Variants in KIRREL3 observed in about 807,000 individuals in gnomAD.
KIRREL3 encodes kirre like nephrin family adhesion molecule 3, also known as kin of IRRE-like protein 3.
A neutral mutation model predicts 89.7 loss-of-function variants in KIRREL3; 36 were observed. That is an observed-to-expected ratio of 0.40 (90% CI 0.31 to 0.53). The LOEUF is 0.53. KIRREL3 is among the 20% of genes least tolerant of loss of function. The probability of loss-of-function intolerance (pLI) is 0.49; values close to 1 mark genes in which losing one functional copy is unlikely to be tolerated. For synonymous variants in KIRREL3, 445 were observed against 441.4 expected, an observed-to-expected ratio of 1.01 and a Z score of -0.10; for missense variants, 864 against 1,056.6, an observed-to-expected ratio of 0.82 and a Z score of 2.53.
chr11:126,460,759 C>G (rs1196647256), intron 6 of KIRREL3, among the ~76,000 whole-genome samples: 1 of 152,274 alleles, frequency 6.6e-6, no homozygotes, highest in East Asian at 1.9e-4. Context: ...GTTAGGAGGG[C>G]GAGTTTCCCG....
chr11:126,732,082 T>G (rs1036683777), intron 1 of KIRREL3, among the ~76,000 whole-genome samples: 1 of 152,170 alleles, frequency 6.6e-6, no homozygotes, highest in Admixed American at 6.5e-5. Flanking sequence ...GAGGGGTGTC[T>G]CATTAATCTC....
At chr11:126,711,958 C>T (rs575293897) in intron 1 of KIRREL3, among the ~76,000 whole-genome samples, 109 of 152,320 alleles carry the variant, frequency 7.2e-4, no homozygotes, top group African/African-American at 2.4e-3. Context: ...CCATTGGAAA[C>T]GCCTCCTCTG....
chr11:126,682,390 G>T lies in KIRREL3; in HGVS notation c.56-119478C>A, dbSNP rs936957227. Among the ~76,000 whole-genome samples the T allele has an allele frequency of 6.6e-6, 1 of 152,134 alleles. No individual in the cohort carries two copies. Among genetic ancestry groups the T allele is most frequent in the African/African-American group, 2.4e-5 (1 of 41,420 alleles). On this transcript the variant is annotated intron_variant, in intron 1 of 16. Transcript: ENST00000525144. This position sits in a 1 kb window ranked among gnomAD's most constrained non-coding sequence, Gnocchi z 4.8. ...TGAGGATGATAATATCCTCCTCCCA[G>T]TGTTGCTGGGAGGATGAAGTGAGAT...
chr11:126,925,158 T>C (rs1592377737), intron 1 of KIRREL3, among the ~76,000 whole-genome samples: 1 of 145,840 alleles, frequency 6.9e-6, no homozygotes. Flanking sequence ...GTTTGGCTGG[T>C]GCACCTGCTC....
intron 2 of KIRREL3, among the ~76,000 whole-genome samples, chr11:126,559,823 C>A (rs1200572192): frequency 6.6e-6 from 1 of 151,818 alleles, no homozygotes; most frequent in East Asian, 1.9e-4. Context: ...GTGCGCACCA[C>A]CAACCCTGGC....
intron 4 of KIRREL3, among the ~76,000 whole-genome samples, chr11:126,517,047 G>A (rs1958431366): frequency 2.0e-5 from 3 of 151,922 alleles, no homozygotes; most frequent in Non-Finnish European, 4.4e-5. Context: ...CAGCCTGGGC[G>A]ACAGAGCCAG....
At chr11:126,543,291 G>A (rs375600793) in intron 2 of KIRREL3, among the ~76,000 whole-genome samples, 1 of 152,224 alleles carries the variant, frequency 6.6e-6, no homozygotes, top group African/African-American at 2.4e-5. Context: ...TGGAGAGGGA[G>A]TGTGAGGACT....
At chr11:126,932,960 A>T (rs901593331) in intron 1 of KIRREL3, among the ~76,000 whole-genome samples, 1 of 152,190 alleles carries the variant, frequency 6.6e-6, no homozygotes, top group African/African-American at 2.4e-5. Context: ...GCTGGAGAGA[A>T]GGAGACATGG....
At position 126,439,443 on chromosome 11, in the gene KIRREL3, C is replaced by A. The variant is rs555729551; in HGVS notation, c.1353+1006G>T. Among the ~76,000 whole-genome samples the A allele has an allele frequency of 4.7e-5, 7 of 150,254 alleles. No individual in the cohort carries two copies. In the East Asian group the frequency reaches 1.3e-3, roughly 27 times the overall value. On this transcript the variant is annotated intron_variant, in intron 11 of 16. Transcript: ENST00000525144. ...CTGGTCTCAAACTCCTGGGCTCAGT[C>A]GATCTTCCCACCTCAGCCTTCCAAA...
rs1424954834 is a variant in KIRREL3, at chr11:126,795,530, T to C, written c.55+204925A>G. Among the ~76,000 whole-genome samples the C allele has an allele frequency of 6.6e-6, 1 of 151,982 alleles. No homozygotes were observed. Among genetic ancestry groups the C allele is most frequent in the Non-Finnish European group, 1.5e-5 (1 of 67,994 alleles). On this transcript the variant is annotated intron_variant, in intron 1 of 16. Coordinates refer to ENST00000525144, the MANE Select transcript of KIRREL3 (RefSeq NM_032531.4). The surrounding 1 kb of genome is among the most constrained non-coding windows in gnomAD (Gnocchi z 4.1). ...GACTACAGGCGTGTGCCACCACACCTGGCTAATTTTTTTAAAATATATTTT... is the reference window on the plus strand; with the variant it reads ...GACTACAGGCGTGTGCCACCACACCCGGCTAATTTTTTTAAAATATATTTT...
intron 1 of KIRREL3, among the ~76,000 whole-genome samples, chr11:126,784,317 G>T (rs922234295): frequency 6.6e-6 from 1 of 152,220 alleles, no homozygotes; most frequent in African/African-American, 2.4e-5. Context: ...AACTGGGTGT[G>T]GGGTATATGG....
chr11:126,741,512 C>T (rs1948981774), intron 1 of KIRREL3, among the ~76,000 whole-genome samples: 1 of 152,106 alleles, frequency 6.6e-6, no homozygotes, highest in African/African-American at 2.4e-5. Context: ...TTTCATCTAA[C>T]CAGAGTTCAA....
chr11:126,671,345 G>C (rs1945938996), intron 1 of KIRREL3, among the ~76,000 whole-genome samples: 1 of 151,192 alleles, frequency 6.6e-6, no homozygotes, highest in Non-Finnish European at 1.5e-5. Context: ...TGAGATTACG[G>C]GCATGAGCCA....
In KIRREL3 at chr11:126,565,338, G is replaced by T. The variant is rs893839799; in HGVS notation, c.56-2426C>A. Among the ~76,000 whole-genome samples, 2 of 152,176 alleles carry T rather than the reference G, an allele frequency of 1.3e-5. No individual in the cohort carries two copies. Among genetic ancestry groups the T allele is most frequent in the Admixed American group, 1.3e-4 (2 of 15,272 alleles). ...AGAGGCTGTGTGGACAAGTGGTTATGATATAATAACTAAGAGTCTCACTGA... is the reference window on the plus strand; with the variant it reads ...AGAGGCTGTGTGGACAAGTGGTTATTATATAATAACTAAGAGTCTCACTGA... On this transcript the variant is annotated intron_variant, in intron 1 of 16. Coordinates refer to ENST00000525144, the MANE Select transcript of KIRREL3 (RefSeq NM_032531.4). This position sits in a 1 kb window ranked among gnomAD's most constrained non-coding sequence, Gnocchi z 5.4.
chr11:126,818,624 A>AGTAGT (rs1555046455), intron 1 of KIRREL3, among the ~76,000 whole-genome samples: 7 of 56,658 alleles, frequency 1.2e-4, no homozygotes, highest in Non-Finnish European at 1.9e-4. Flanking sequence ...TAGTAGTAGT[A>AGTAGT]GTGTGTGTGT....
At chr11:126,839,596 T>TAA (rs1943894465) in intron 1 of KIRREL3, among the ~76,000 whole-genome samples, 1 of 152,172 alleles carries the variant, frequency 6.6e-6, no homozygotes. Context: ...ATTTTGTTTT[T>TAA]AATGACTGGT....
chr11:126,962,314 C>A (rs982326607), intron 1 of KIRREL3, among the ~76,000 whole-genome samples: 4 of 152,078 alleles, frequency 2.6e-5, no homozygotes, highest in Admixed American at 2.6e-4. Context: ...GGGAGGAGGT[C>A]AAGATAGCAA....
rs1957373028 is a variant in KIRREL3 at position 126,486,794 on chromosome 11, G to A, written c.434-13328C>T. Among the ~76,000 whole-genome samples, 1 of 152,242 alleles carries A rather than the reference G, an allele frequency of 6.6e-6. No individual in the cohort carries two copies. Among genetic ancestry groups the A allele is most frequent in the Admixed American group, 6.5e-5 (1 of 15,288 alleles). On this transcript the variant is annotated intron_variant, in intron 4 of 16. Transcript: ENST00000525144. The surrounding 1 kb of genome is among the most constrained non-coding windows in gnomAD (Gnocchi z 6.2). ...AGTCCTAACTGCGGTACCATAGGCT[G>A]TGCTAGCAGGAGGATCTGCATTGGT...
intron 1 of KIRREL3, among the ~76,000 whole-genome samples, chr11:126,789,780 C>T (rs905874452): frequency 1.3e-5 from 2 of 152,174 alleles, no homozygotes; most frequent in Admixed American, 1.3e-4. Flanking sequence ...TTCTTCCAGC[C>T]CCTTCCCAGT....
Sources: gnomAD v4.1 joint callset for allele counts (sites outside exome capture counted in the v4.1 genomes callset) on GRCh38, gnomAD v4.1.1 for gene constraint, Gnocchi (gnomAD v3.1) non-coding constraint, MANE v1.5 for transcripts, NCBI Gene and HGNC (gene_info 2026-07-23, HGNC 2026-07-21) for gene names.